The following GRM1 variants were observed in gnomAD, a reference collection of about 807,000 sequenced individuals.
The protein encoded by GRM1 is metabotropic glutamate receptor 1.
A neutral mutation model predicts 90.9 loss-of-function variants in GRM1; 33 were observed. The observed-to-expected ratio is 0.36, with a 90% CI of 0.28 to 0.49. GRM1 has a LOEUF of 0.49. GRM1 is among the 20% of genes least tolerant of loss of function. The pLI is 0.99. For missense variants in GRM1, 1,190 were observed against 1,534.3 expected, an observed-to-expected ratio of 0.78 and a Z score of 3.75; for synonymous variants, 700 against 613.2, an observed-to-expected ratio of 1.14 and a Z score of -2.09.
chr6:146,354,794 A>T (rs942608560), intron 4 of GRM1, among the ~76,000 whole-genome samples: 5 of 152,176 alleles, frequency 3.3e-5, no homozygotes, highest in African/African-American at 1.2e-4. Context: ...AAAAACCAAC[A>T]TGCCTGGAAG....
intron 1 of GRM1, among the ~76,000 whole-genome samples, chr6:146,043,519 A>G (rs1222064029): frequency 6.6e-6 from 1 of 151,788 alleles, no homozygotes; most frequent in Admixed American, 6.6e-5. Context: ...GAAACATATT[A>G]TTTTTAGATT....
At chr6:146,198,906 T>A (rs549845802) in intron 2 of GRM1, among the ~76,000 whole-genome samples, 14 of 152,198 alleles carry the variant, frequency 9.2e-5, no homozygotes, top group Non-Finnish European at 2.1e-4. Context: ...ATAGTGACTT[T>A]CTATTGAGGT....
rs377409418 is a variant in GRM1, at chr6:146,145,878, C to G, written c.701-13470C>G. On this transcript the variant is annotated intron_variant, in intron 1 of 7. Coordinates refer to ENST00000282753, the MANE Select transcript of GRM1 (RefSeq NM_001278064.2). ...GACAGCTAGGTGTACTGAGCCCAGT[C>G]AAACCATAGGGGCAGGGCTGTCCTA... Among the ~76,000 whole-genome samples the G allele has an allele frequency of 2.8e-4, 42 of 152,148 alleles. No homozygotes were observed. In the Middle Eastern group the frequency reaches 0.014, roughly 49 times the overall value.
At chr6:146,077,426 C>A (rs1264649434) in intron 1 of GRM1, among the ~76,000 whole-genome samples, 2 of 152,196 alleles carry the variant, frequency 1.3e-5, no homozygotes, top group East Asian at 3.9e-4. Flanking sequence ...CCTCTCCTTA[C>A]ACTGCTTTTT....
chr6:146,151,491 G>A (rs897418418), intron 1 of GRM1, among the ~76,000 whole-genome samples: 1 of 152,028 alleles, frequency 6.6e-6, no homozygotes, highest in Non-Finnish European at 1.5e-5. Context: ...TTTTAGGAGT[G>A]GAAAAAAAAT....
At chr6:146,394,304 G>A (rs1776849297) in intron 6 of GRM1, among the ~76,000 whole-genome samples, 1 of 152,024 alleles carries the variant, frequency 6.6e-6, no homozygotes, top group Admixed American at 6.6e-5. Context: ...GTATATCTAG[G>A]CTCAGATAAA....
Position 146,052,895 on chromosome 6 carries a change from C to T in GRM1, c.700+22678C>T, listed in dbSNP as rs529609590. On this transcript the variant is annotated intron_variant, in intron 1 of 7. Coordinates refer to ENST00000282753, the MANE Select transcript of GRM1 (RefSeq NM_001278064.2). ...TTATACTCACCTACTAACAGGACAC[C>T]GTCATATTTCCAGAACCTAGAACAA... Among the ~76,000 whole-genome samples, 52 of 152,028 alleles carry T rather than the reference C, an allele frequency of 3.4e-4. 2 individuals carry two copies. Among genetic ancestry groups the T allele is most frequent in the Non-Finnish European group, 6.3e-4 (43 of 67,964 alleles).
chr6:146,396,104 C>CTATCT (rs1554307314), intron 6 of GRM1, among the ~76,000 whole-genome samples: 3 of 146,890 alleles, frequency 2.0e-5, no homozygotes, highest in African/African-American at 4.9e-5. Flanking sequence ...ATCTATCTAT[C>CTATCT]GTCTATATAT....
At chr6:146,156,499 A>G (rs1225858511) in intron 1 of GRM1, among the ~76,000 whole-genome samples, 4 of 152,170 alleles carry the variant, frequency 2.6e-5, no homozygotes, top group South Asian at 4.1e-4. Flanking sequence ...ACCTTAGCCA[A>G]TGATTGACTG....
intron 1 of GRM1, among the ~76,000 whole-genome samples, chr6:146,148,931 A>G (rs1777213897): frequency 6.6e-6 from 1 of 152,172 alleles, no homozygotes; most frequent in South Asian, 2.1e-4. Flanking sequence ...CAGGTGAGAT[A>G]GAATTGCTCC....
At chr6:146,328,443 A>G (rs1784473132) in intron 3 of GRM1, among the ~76,000 whole-genome samples, 1 of 152,208 alleles carries the variant, frequency 6.6e-6, no homozygotes, top group African/African-American at 2.4e-5. Context: ...GTGGCTTTGG[A>G]AAAAGCAAAT....
At chr6:146,066,523 G>T (rs1426059009) in intron 1 of GRM1, among the ~76,000 whole-genome samples, 1 of 152,160 alleles carries the variant, frequency 6.6e-6, no homozygotes, top group Non-Finnish European at 1.5e-5. Context: ...ACATATGGTT[G>T]CATGTGTCTT....
chr6:146,165,776 A>G (rs1777883600), intron 2 of GRM1, among the ~76,000 whole-genome samples: 2 of 152,130 alleles, frequency 1.3e-5, no homozygotes, highest in Non-Finnish European at 2.9e-5. Context: ...TGGAGAATAA[A>G]TATTATTTGT....
chr6:146,341,679 GA>G (rs1562622704), intron 3 of GRM1, among the ~76,000 whole-genome samples: 1 of 152,326 alleles, frequency 6.6e-6, no homozygotes, highest in East Asian at 1.9e-4. Context: ...ACAGTCAACA[GA>G]AACATTGGCC....
intron 1 of GRM1, among the ~76,000 whole-genome samples, chr6:146,138,086 A>T (rs192076590): frequency 6.6e-6 from 1 of 152,034 alleles, no homozygotes; most frequent in African/African-American, 2.4e-5. Context: ...CAAATATAGG[A>T]TTGCATCATC....
At chr6:146,080,947 A>G (rs1399555642) in intron 1 of GRM1, among the ~76,000 whole-genome samples, 2 of 152,192 alleles carry the variant, frequency 1.3e-5, no homozygotes, top group Non-Finnish European at 2.9e-5. Flanking sequence ...GAACAGCTAA[A>G]TGTTTCCCAA....
upstream of GRM1, among the ~76,000 whole-genome samples, chr6:146,028,503 G>T (rs1335602885): frequency 1.3e-5 from 2 of 151,678 alleles, no homozygotes; most frequent in African/African-American, 2.4e-5. Flanking sequence ...CAAAGCAAGC[G>T]CAGGACCCCC....
chr6:146,241,595 C>T (rs1394479406), intron 2 of GRM1, among the ~76,000 whole-genome samples: 1 of 152,104 alleles, frequency 6.6e-6, no homozygotes, highest in African/African-American at 2.4e-5. Context: ...CAATTCCCTC[C>T]CTTAGGTTCC....
chr6:146,385,881 A>T (rs1271636750), intron 5 of GRM1, among the ~76,000 whole-genome samples: 13 of 152,050 alleles, frequency 8.5e-5, no homozygotes, highest in Admixed American at 8.5e-4. Context: ...GTACATTGTG[A>T]TAAATTAGTG....
Sources: allele counts gnomAD v4.1 joint callset (sites outside exome capture counted in the v4.1 genomes callset), GRCh38; gene constraint gnomAD v4.1.1; transcripts MANE v1.5; gene names NCBI Gene and HGNC (gene_info 2026-07-23, HGNC 2026-07-21).